WARS2: variants seen among roughly 807,000 people sequenced by gnomAD.
WARS2 encodes the protein tryptophanyl tRNA synthetase 2, mitochondrial.
In WARS2, 28 loss-of-function variants were observed where a neutral mutation model predicts 36.5. The observed-to-expected ratio is 0.77, with a 90% confidence interval of 0.57 to 1.05. The LOEUF (loss-of-function observed/expected upper bound fraction) is 1.05. Ranked by LOEUF, WARS2 falls within the 50% of genes least tolerant of loss-of-function variation. The probability of loss-of-function intolerance (pLI) is 0.00; values close to 1 mark genes in which losing one functional copy is unlikely to be tolerated. For missense variants in WARS2, 435 were observed against 456.8 expected, an observed-to-expected ratio of 0.95 and a Z score of 0.44; for synonymous variants, 174 against 178.4, an observed-to-expected ratio of 0.98 and a Z score of 0.20.
At position 119,135,914 on chromosome 1, in the gene WARS2, G is replaced by A. The variant is rs587615448; in HGVS notation, c.90+4641C>T. 4.0e-4 allele frequency among the ~76,000 whole-genome samples: 61 copies of A among 151,906 alleles called. No homozygotes were observed. In the East Asian group the frequency reaches 0.011, roughly 29 times the overall value. On this transcript the variant is annotated intron_variant, in intron 1 of 5. Transcript: ENST00000235521. ...GTCTCCTGACTAGCTGGGACTACAGGCATATGCCACTAAGCCCAGCTAATT... is the reference window on the plus strand; with the variant it reads ...GTCTCCTGACTAGCTGGGACTACAGACATATGCCACTAAGCCCAGCTAATT...
chr1:119,131,703 T>C (rs587752948), intron 1 of WARS2, among the ~76,000 whole-genome samples: 1,706 of 152,146 alleles, frequency 0.011, 15 homozygotes, highest in South Asian at 0.026. Flanking sequence ...CCTCGTGATC[T>C]GCCCGCCTCG....
intron 1 of WARS2, among the ~76,000 whole-genome samples, chr1:119,122,007 A>C (rs1655356917): frequency 6.6e-6 from 1 of 152,200 alleles, no homozygotes; most frequent in African/African-American, 2.4e-5. Flanking sequence ...GCAAGTGCCC[A>C]AAAGCAAATG....
In WARS2 at chr1:119,034,075, A is replaced by G. The variant is rs1261351746; in HGVS notation, c.634+20T>C. On this transcript the variant is annotated intron_variant, in intron 5 of 5. Coordinates refer to ENST00000235521, the MANE Select transcript of WARS2 (RefSeq NM_015836.4). ...CTTTAGAATATACCCTGATGTAACA[A>G]TTATAAGTTTCTTACTTACTGAGAA... is the stretch of plus-strand genomic sequence containing the variant. The G allele has an allele frequency of 6.3e-7, 1 of 1,597,908 alleles. No homozygotes were observed. The highest frequency in any genetic ancestry group is 8.6e-7 in the Non-Finnish European group (1 of 1,165,822).
chr1:119,093,963 T>C (rs1653240915), intron 1 of WARS2, among the ~76,000 whole-genome samples: 1 of 152,202 alleles, frequency 6.6e-6, no homozygotes, highest in Non-Finnish European at 1.5e-5. Context: ...GCACGGGTTG[T>C]GGTGACTGAC....
intron 1 of WARS2, among the ~76,000 whole-genome samples, chr1:119,087,525 T>C (rs935952175): frequency 1.3e-5 from 2 of 152,206 alleles, no homozygotes; most frequent in South Asian, 4.1e-4. Flanking sequence ...TCTTGAAGAA[T>C]GGTTTTAACA....
intron 1 of WARS2, among the ~76,000 whole-genome samples, chr1:119,116,935 T>C (rs767674475): frequency 1.3e-5 from 2 of 152,146 alleles, no homozygotes; most frequent in Non-Finnish European, 2.9e-5. Context: ...GAAGTGCAGA[T>C]ACAAACACAG....
rs1226330039 is a variant in WARS2 at position 119,042,368 on chromosome 1, G to C, written c.430-19C>G. On this transcript the variant is annotated intron_variant, in intron 3 of 5. Transcript: ENST00000235521. ...TCTTTGCCTGTGAGAGGTGAAAAGA[G>C]AGGAGGGGAAGAAATCTGAAATCTG... is the stretch of plus-strand genomic sequence containing the variant. 3.7e-6 allele frequency: 6 copies of C among 1,611,288 alleles called. No individual in the cohort carries two copies. In the Admixed American group the frequency reaches 1.0e-4, roughly 27 times the overall value.
rs368691791 is a variant in WARS2 at position 119,045,617 on chromosome 1, T to C, written c.394A>G (p.Arg132Gly). ...QLSWILSCMVRLPRLQHLHQW... is the reference protein window; with the variant it reads ...QLSWILSCMVGLPRLQHLHQW... ...TGTAAATGTTGTAATCGAGGTAGTCTGACCATGCAGGAAAGGATCCAACTT... is the reference window on the plus strand; with the variant it reads ...TGTAAATGTTGTAATCGAGGTAGTCCGACCATGCAGGAAAGGATCCAACTT... Residue 132 changes from arginine (R) to glycine (G), a missense_variant, in exon 3 of 6, where the codon AGA becomes GGA. Physicochemically the swap from Arg to Gly is moderately radical, Grantham distance 125 (BLOSUM62 -2). Coordinates refer to ENST00000235521, the MANE Select transcript of WARS2 (RefSeq NM_015836.4). 1.3e-6 allele frequency: 2 copies of C among 1,595,544 alleles called. No homozygotes were observed. The highest frequency in any genetic ancestry group is 2.2e-5 in the East Asian group (1 of 44,764).
chr1:119,046,188 A>G (rs886930449), intron 2 of WARS2, among the ~76,000 whole-genome samples: 1 of 151,894 alleles, frequency 6.6e-6, no homozygotes, highest in African/African-American at 2.4e-5. Context: ...CTTGAAAGTT[A>G]GAGATCACTT....
At chr1:119,074,490 C>T (rs1410950134) in intron 2 of WARS2, among the ~76,000 whole-genome samples, 1 of 152,170 alleles carries the variant, frequency 6.6e-6, no homozygotes, top group African/African-American at 2.4e-5. Context: ...TTTATAGTAA[C>T]TGGATCTGTC....
intron 1 of WARS2, among the ~76,000 whole-genome samples, chr1:119,132,063 T>C (rs1656155247): frequency 6.6e-6 from 1 of 152,156 alleles, no homozygotes; most frequent in African/African-American, 2.4e-5. Context: ...GAACTTTATA[T>C]ATGGTAGGAT....
chr1:119,081,443 T>C (rs587604208), intron 1 of WARS2, among the ~76,000 whole-genome samples: 1 of 152,354 alleles, frequency 6.6e-6, no homozygotes, highest in Non-Finnish European at 1.5e-5. Context: ...GTCCTGCTTG[T>C]ATCCAGCTGT....
chr1:119,060,738 G>A (rs1024497114), intron 2 of WARS2, among the ~76,000 whole-genome samples: 11 of 152,266 alleles, frequency 7.2e-5, no homozygotes, highest in Middle Eastern at 3.4e-3. Flanking sequence ...GTGACTTTCT[G>A]TCTGAGGGCA....
intron 2 of WARS2, among the ~76,000 whole-genome samples, chr1:119,046,176 A>G (rs577975663): frequency 6.3e-4 from 96 of 152,186 alleles, no homozygotes; most frequent in African/African-American, 2.1e-3. Context: ...GATATAGGGT[A>G]ACTTGAAAGT....
chr1:119,135,740 A>AGATAGAT (rs1656447432), intron 1 of WARS2, among the ~76,000 whole-genome samples: 1 of 115,830 alleles, frequency 8.6e-6, no homozygotes, highest in Admixed American at 1.1e-4. Context: ...ATAGATAGAT[A>AGATAGAT]GATAGATAGA....
intron 1 of WARS2, among the ~76,000 whole-genome samples, chr1:119,080,727 G>A (rs1246157339): frequency 2.6e-5 from 4 of 152,184 alleles, no homozygotes; most frequent in Non-Finnish European, 5.9e-5. Context: ...ATGAAATCAT[G>A]GGGTTGGAAT....
At chr1:119,103,167 A>G (rs587712260) in intron 1 of WARS2, among the ~76,000 whole-genome samples, 107 of 152,306 alleles carry the variant, frequency 7.0e-4, no homozygotes, top group Non-Finnish European at 1.3e-3. Flanking sequence ...TTACTGGTCC[A>G]TGTTTGTTTG....
chr1:119,087,631 T>C (rs1174792957), intron 1 of WARS2, among the ~76,000 whole-genome samples: 1 of 152,164 alleles, frequency 6.6e-6, no homozygotes, highest in Admixed American at 6.5e-5. Flanking sequence ...ATCTATTCAG[T>C]GGTGGCTTTG....
chr1:119,089,891 C>G (rs1652919160), intron 1 of WARS2, among the ~76,000 whole-genome samples: 1 of 152,072 alleles, frequency 6.6e-6, no homozygotes, highest in Admixed American at 6.6e-5. Context: ...AACCAAATAC[C>G]ACATGTTCTC....
Sources: allele counts gnomAD v4.1 joint callset (sites outside exome capture counted in the v4.1 genomes callset), GRCh38; gene constraint gnomAD v4.1.1; transcripts MANE v1.5; gene names NCBI Gene and HGNC (gene_info 2026-07-23, HGNC 2026-07-21).